HUNK: variants seen among roughly 807,000 people sequenced by gnomAD.
The protein encoded by HUNK is hormonally up-regulated neu tumor-associated kinase.
Under a neutral mutation model 61.0 loss-of-function variants are expected in HUNK, and 21 were observed. The ratio of observed to expected loss-of-function variants is 0.34; its 90% CI spans 0.24 to 0.50. The LOEUF is 0.50. Among genes scored for constraint, HUNK ranks in the 20% least tolerant of loss-of-function variants. The pLI is 0.98. For synonymous variants in HUNK, 371 were observed against 386.1 expected (o/e 0.96, Z 0.46); for missense variants, 772 against 945.7 (o/e 0.82, Z 2.41).
intron 7 of HUNK, among the ~76,000 whole-genome samples, chr21:31,976,633 A>G (rs2123853998): frequency 6.6e-6 from 1 of 150,858 alleles, no homozygotes; most frequent in African/African-American, 2.4e-5. Flanking sequence ...CGCTTGTCTA[A>G]TTTTTGTATT....
intron 3 of HUNK, among the ~76,000 whole-genome samples, chr21:31,941,235 A>C (rs1385109061): frequency 6.6e-6 from 1 of 152,202 alleles, no homozygotes; most frequent in Admixed American, 6.5e-5. Flanking sequence ...ATTTTTCCCC[A>C]AAAGCATTTA....
rs986452904 is a variant in HUNK at position 32,003,959 on chromosome 21, G to A, written c.*4775G>A. The A allele has an allele frequency of 6.6e-6, 1 of 152,200 alleles. No individual in the cohort carries two copies. Among genetic ancestry groups the A allele is most frequent in the Non-Finnish European group, 1.5e-5 (1 of 68,028 alleles). The allele number at this position is 152,200 out of a possible 1,614,324, so 9.4% of individuals were successfully genotyped here. ...TTTTGGAAGGATAGAATAGCTTTAT[G>A]TGGAGCAAACTTGAGGATCAATTGG... On this transcript the variant is annotated 3_prime_UTR_variant, in exon 11 of 11. Transcript: ENST00000270112.
chr21:31,934,442 C>CAAAAA (rs35817125), intron 2 of HUNK, among the ~76,000 whole-genome samples: 3,609 of 88,546 alleles, frequency 0.041, 72 homozygotes, highest in Middle Eastern at 0.11. Context: ...GACTCTGCCT[C>CAAAAA]AAAAAAAAAA....
At chr21:31,991,514 C>T (rs1417655157) in intron 9 of HUNK, among the ~76,000 whole-genome samples, 7 of 152,204 alleles carry the variant, frequency 4.6e-5, no homozygotes, top group Admixed American at 6.5e-5. Context: ...CCACTGCGCC[C>T]GGCCCAAAGC....
chr21:31,881,304 T>C (rs1359305374), intron 1 of HUNK, among the ~76,000 whole-genome samples: 1 of 152,178 alleles, frequency 6.6e-6, no homozygotes, highest in Non-Finnish European at 1.5e-5. Context: ...TGTGTTGGTA[T>C]CAAGTCCTCT....
chr21:31,995,194 C>T (rs185413210), intron 9 of HUNK, among the ~76,000 whole-genome samples: 9 of 148,890 alleles, frequency 6.0e-5, no homozygotes, highest in Admixed American at 3.3e-4. Flanking sequence ...TTCATACACA[C>T]GTTCATACAC....
chr21:31,946,133 C>T lies in HUNK; in HGVS notation c.708C>T (p.Ala236=). The T allele has an allele frequency of 1.2e-6, 2 of 1,613,138 alleles. No individual in the cohort carries two copies. The highest frequency in any genetic ancestry group is 1.7e-6 in the Non-Finnish European group (2 of 1,179,186). ...CCTACGCTGCACCTGAACTGCTCGC[C>T]AGGAAGAAATACGGCCCCAAAATCG... ...SPAYAAPELL[A]RKKYGPKIDV... is the part of the protein sequence containing the mutation. Residue 236 remains alanine, a synonymous_variant, in exon 4 of 11, where the codon GCC becomes GCT. Transcript: ENST00000270112.
chr21:31,943,525 T>C (rs1019018881), intron 3 of HUNK, among the ~76,000 whole-genome samples: 2 of 152,268 alleles, frequency 1.3e-5, no homozygotes, highest in African/African-American at 4.8e-5. Flanking sequence ...ATTTCAATTA[T>C]GAATGTGAAG....
intron 1 of HUNK, among the ~76,000 whole-genome samples, chr21:31,919,011 AGGAGGGGC>A (rs1568925123): frequency 0.021 from 2,586 of 121,056 alleles, 347 homozygotes; most frequent in Middle Eastern, 0.11. Context: ...CGGTATGAGG[AGGAGGGGC>A]TGGACTGAGC....
chr21:31,984,812 CCT>C (rs984824827), intron 8 of HUNK, among the ~76,000 whole-genome samples: 179 of 152,270 alleles, frequency 1.2e-3, no homozygotes, highest in African/African-American at 4.2e-3. Context: ...GCCACAGGAA[CCT>C]CTCTCCTGGG....
intron 2 of HUNK, among the ~76,000 whole-genome samples, chr21:31,939,451 C>T (rs1437787886): frequency 7.4e-6 from 1 of 135,204 alleles, no homozygotes; most frequent in Non-Finnish European, 1.5e-5. Context: ...TCTCATTGCC[C>T]AGGCTGGAGT....
Position 31,999,495 on chromosome 21 carries a change from C to A in HUNK, c.*311C>A. ...CTTGGGGGGAAAACAGGGCATGAGC[C>A]TTCTGGGGCACTCAGATTATGGACT... On this transcript the variant is annotated 3_prime_UTR_variant, in exon 11 of 11. Coordinates refer to ENST00000270112, the MANE Select transcript of HUNK (RefSeq NM_014586.2). 2 of 348,836 alleles carry A rather than the reference C, an allele frequency of 5.7e-6. No homozygotes were observed. The highest frequency in any genetic ancestry group is 1.0e-5 in the Non-Finnish European group (2 of 192,526). 21.6% of individuals were successfully genotyped at this position (348,836 alleles called of 1,614,324 possible).
chr21:31,970,894 C>T (rs2053005296), intron 6 of HUNK, among the ~76,000 whole-genome samples: 1 of 152,054 alleles, frequency 6.6e-6, no homozygotes, highest in Non-Finnish European at 1.5e-5. Context: ...TGGTCAGAAG[C>T]ATAATGGCTG....
intron 1 of HUNK, among the ~76,000 whole-genome samples, chr21:31,895,326 G>C (rs1243655370): frequency 6.6e-6 from 1 of 152,194 alleles, no homozygotes; most frequent in Non-Finnish European, 1.5e-5. Flanking sequence ...TGAAGCAGCT[G>C]TTGAACTAGG....
intron 1 of HUNK, among the ~76,000 whole-genome samples, chr21:31,920,485 G>A (rs1410655178): frequency 6.6e-5 from 10 of 152,162 alleles, no homozygotes; most frequent in Non-Finnish European, 1.3e-4. Flanking sequence ...GCCAGAGGGT[G>A]TAATTTTTTA....
chr21:31,979,689 G>A (rs2053080090), intron 7 of HUNK, among the ~76,000 whole-genome samples: 1 of 151,130 alleles, frequency 6.6e-6, no homozygotes, highest in South Asian at 2.1e-4. Context: ...CTAATTTTTT[G>A]TATTTTTAGT....
At chr21:31,913,214 C>A (rs1420288440) in intron 1 of HUNK, among the ~76,000 whole-genome samples, 4 of 151,980 alleles carry the variant, frequency 2.6e-5, no homozygotes, top group Non-Finnish European at 5.9e-5. Flanking sequence ...CCGGAGTGAC[C>A]CCAGCCAGTC....
chr21:31,965,594 C>CTTTTTTTTTTT (rs71193162), intron 5 of HUNK, among the ~76,000 whole-genome samples: 62 of 127,372 alleles, frequency 4.9e-4, no homozygotes, highest in Non-Finnish European at 5.7e-4. Context: ...CTTTGTTTTT[C>CTTTTTTTTTTT]TTTTTTTTTT....
At chr21:31,888,617 G>C (rs1048033701) in intron 1 of HUNK, among the ~76,000 whole-genome samples, 4 of 152,148 alleles carry the variant, frequency 2.6e-5, no homozygotes, top group African/African-American at 9.7e-5. Flanking sequence ...GCGCATGCCT[G>C]TAATCCCAGC....
Sources: allele counts gnomAD v4.1 joint callset (sites outside exome capture counted in the v4.1 genomes callset), GRCh38; gene constraint gnomAD v4.1.1; transcripts MANE v1.5; gene names NCBI Gene and HGNC (gene_info 2026-07-23, HGNC 2026-07-21).